RBM27: variants seen among roughly 807,000 people sequenced by gnomAD.
The protein encoded by RBM27 is RNA binding motif protein 27.
A neutral mutation model predicts 135.3 loss-of-function variants in RBM27; 22 were observed. That is an observed-to-expected ratio of 0.16 (90% CI 0.12 to 0.23). The LOEUF (loss-of-function observed/expected upper bound fraction) is 0.23, where lower values mean the gene tolerates loss of function less well. RBM27 is among the 10% of genes least tolerant of loss of function. The probability of loss-of-function intolerance (pLI) is 1.00; values close to 1 mark genes in which losing one functional copy is unlikely to be tolerated. For missense variants in RBM27, 1,009 were observed against 1,281.0 expected, an observed-to-expected ratio of 0.79 and a Z score of 3.24; for synonymous variants, 481 against 442.4, an observed-to-expected ratio of 1.09 and a Z score of -1.10.
chr5:146,252,449 G>A (rs1187892618), intron 9 of RBM27, among the ~76,000 whole-genome samples: 3 of 152,040 alleles, frequency 2.0e-5, no homozygotes, highest in Non-Finnish European at 4.4e-5. Flanking sequence ...ATTAACTAAA[G>A]GGCTTTTAAG....
intron 8 of RBM27, among the ~76,000 whole-genome samples, chr5:146,237,768 A>T (rs1449086681): frequency 6.6e-6 from 1 of 152,116 alleles, no homozygotes; most frequent in Non-Finnish European, 1.5e-5. Context: ...GCTCACTGCA[A>T]CCTCTGCTTT....
chr5:146,207,492 C>T (rs1286692325), intron 1 of RBM27, among the ~76,000 whole-genome samples: 3 of 151,954 alleles, frequency 2.0e-5, no homozygotes, highest in Non-Finnish European at 4.4e-5. Context: ...GGATTACAGG[C>T]ATGAGCCACT....
At chr5:146,211,709 G>C (rs751517192) in intron 1 of RBM27, among the ~76,000 whole-genome samples, 2 of 151,516 alleles carry the variant, frequency 1.3e-5, no homozygotes, top group Non-Finnish European at 2.9e-5. Context: ...TCGAACTCCT[G>C]ACCTCAGGTA....
intron 1 of RBM27, among the ~76,000 whole-genome samples, chr5:146,209,163 A>G (rs1323341524): frequency 6.6e-6 from 1 of 152,154 alleles, no homozygotes; most frequent in African/African-American, 2.4e-5. Context: ...TGGTTTGTGT[A>G]CCTCTGAATC....
chr5:146,250,177 G>A (rs1757820594), intron 8 of RBM27, among the ~76,000 whole-genome samples: 1 of 152,000 alleles, frequency 6.6e-6, no homozygotes, highest in African/African-American at 2.4e-5. Context: ...TCAAGGCTGG[G>A]CGCTGGGTCC....
At chr5:146,238,320 C>T (rs1757257726) in intron 8 of RBM27, among the ~76,000 whole-genome samples, 1 of 152,100 alleles carries the variant, frequency 6.6e-6, no homozygotes, top group South Asian at 2.1e-4. Flanking sequence ...ACCATCCTGA[C>T]CAACATGGAG....
At chr5:146,268,654 C>T (rs1758728751) in intron 15 of RBM27, among the ~76,000 whole-genome samples, 1 of 152,058 alleles carries the variant, frequency 6.6e-6, no homozygotes, top group South Asian at 2.1e-4. Context: ...ATGATCATGG[C>T]CCAGTGCAGC....
chr5:146,260,247 C>T (rs1053205442), intron 11 of RBM27, among the ~76,000 whole-genome samples: 3 of 150,532 alleles, frequency 2.0e-5, no homozygotes, highest in African/African-American at 4.9e-5. Context: ...TGCAGTGGGC[C>T]GAGATTGTTC....
intron 3 of RBM27, among the ~76,000 whole-genome samples, chr5:146,226,921 G>C (rs1275241915): frequency 6.6e-6 from 1 of 152,128 alleles, no homozygotes; most frequent in Non-Finnish European, 1.5e-5. Context: ...AAACATAATT[G>C]TTTATAGTAT....
intron 8 of RBM27, among the ~76,000 whole-genome samples, chr5:146,237,918 C>T (rs1757239056): frequency 6.6e-6 from 1 of 152,098 alleles, no homozygotes. Context: ...GAACTCCTGA[C>T]CTCAGGTGAT....
chr5:146,245,327 A>C (rs1757579776), intron 8 of RBM27: 1 of 152,036 alleles, frequency 6.6e-6, no homozygotes, highest in Admixed American at 6.5e-5. Flanking sequence ...AGTAAAGTAC[A>C]CTCTCTTTTC....
At chr5:146,276,862 C>G (rs918061784) in intron 19 of RBM27, among the ~76,000 whole-genome samples, 9 of 152,082 alleles carry the variant, frequency 5.9e-5, no homozygotes, top group African/African-American at 2.2e-4. Context: ...CAAGACCAAC[C>G]TGGGCAGCAT....
rs1758362051 is a variant in RBM27 at position 146,260,775 on chromosome 5, GTTC to G, written c.1773_1775del (p.Phe591del). On this transcript the variant is annotated inframe_deletion, in exon 12 of 21. Transcript: ENST00000265271. ...GAAATAACAATCAAAATAAACCAGG[GTTC>G]TTACGAAAGAATCAGTATACAAACA... 6.2e-7 allele frequency: 1 copy of G among 1,609,586 alleles called. No individual in the cohort carries two copies. Among genetic ancestry groups the G allele is most frequent in the Non-Finnish European group, 8.5e-7 (1 of 1,178,824 alleles).
At chr5:146,242,216 T>C (rs547314069) in intron 8 of RBM27, among the ~76,000 whole-genome samples, 68 of 152,354 alleles carry the variant, frequency 4.5e-4, no homozygotes, top group African/African-American at 1.6e-3. Context: ...ATTGTAGGCA[T>C]GAGCCACCAT....
intron 1 of RBM27, among the ~76,000 whole-genome samples, chr5:146,206,040 AG>A (rs1275875214): frequency 1.3e-5 from 2 of 152,190 alleles, no homozygotes; most frequent in Non-Finnish European, 2.9e-5. Context: ...AAATAAAAAA[AG>A]TGTTATTCAT....
rs182372457 is a variant in RBM27, at chr5:146,212,619, G to C, written c.60-6366G>C. ...TCCTCCCACCTCAGCCTCCTGAAGT[G>C]CTGGGATTACAGGCATGAGCCACTG... On this transcript the variant is annotated intron_variant, in intron 1 of 20. Transcript: ENST00000265271. 3.2e-3 allele frequency among the ~76,000 whole-genome samples: 492 copies of C among 152,034 alleles called. 4 individuals carry two copies. The highest frequency in any genetic ancestry group is 0.012 in the African/African-American group (478 of 41,458).
At chr5:146,222,930 G>T (rs1756518228) in intron 2 of RBM27, among the ~76,000 whole-genome samples, 1 of 152,080 alleles carries the variant, frequency 6.6e-6, no homozygotes, top group Non-Finnish European at 1.5e-5. Context: ...TACCATGAAA[G>T]TCTCTTACCT....
intron 1 of RBM27, among the ~76,000 whole-genome samples, chr5:146,206,219 A>G (rs1351073488): frequency 6.6e-6 from 1 of 151,314 alleles, no homozygotes; most frequent in African/African-American, 2.4e-5. Flanking sequence ...GAAGGTAACA[A>G]CTTTTAGCCT....
chr5:146,286,014 G>A lies in RBM27; in HGVS notation c.3167G>A (p.Arg1056His). The change falls in exon 21 of 21, where the codon CGC (arginine) becomes CAC (histidine). Residue 1056 changes from arginine to histidine, a missense_variant. Arg to His is a conservative substitution (Grantham distance 29). This residue lies in a region of RBM27 where 7 missense variants were observed against 30.0 expected (regional missense o/e 0.23). Transcript: ENST00000265271. ...GAAGATGAAGATGAATATGAGTCTCGCTCATGGCGAAGATGAAATCTGATG... is the reference window on the plus strand; with the variant it reads ...GAAGATGAAGATGAATATGAGTCTCACTCATGGCGAAGATGAAATCTGATG... ...DDEDEDEYESRSWRR is the reference protein window; with the variant it reads ...DDEDEDEYESHSWRR 1 of 1,607,180 alleles carries A rather than the reference G, an allele frequency of 6.2e-7. No homozygotes were observed. The highest frequency in any genetic ancestry group is 8.5e-7 in the Non-Finnish European group (1 of 1,176,828).
Sources: allele counts gnomAD v4.1 joint callset (sites outside exome capture counted in the v4.1 genomes callset), GRCh38; gene constraint gnomAD v4.1.1; regional missense constraint gnomAD v4.1.1; transcripts MANE v1.5; gene names NCBI Gene and HGNC (gene_info 2026-07-23, HGNC 2026-07-21).